OPCML: variants seen among roughly 807,000 people sequenced by gnomAD.
OPCML encodes opioid-binding protein/cell adhesion molecule.
Under a neutral mutation model 37.8 loss-of-function variants are expected in OPCML, and 13 were observed. The ratio of observed to expected loss-of-function variants is 0.34; its 90% CI spans 0.22 to 0.55. The LOEUF is 0.55. Ranked by LOEUF, OPCML falls within the 20% of genes least tolerant of loss-of-function variation. OPCML has a pLI of 0.91. For synonymous variants in OPCML, 176 were observed against 168.8 expected (o/e 1.04, Z -0.33); for missense variants, 341 against 435.6 (o/e 0.78, Z 1.93).
At chr11:132,608,751 C>T (rs1268253880) in intron 3 of OPCML, among the ~76,000 whole-genome samples, 3 of 152,112 alleles carry the variant, frequency 2.0e-5, no homozygotes, top group Non-Finnish European at 4.4e-5. Flanking sequence ...CTGGGTCTTC[C>T]TAAGGGCTGC....
chr11:132,589,454 C>T (rs1488493729), intron 3 of OPCML, among the ~76,000 whole-genome samples: 1 of 152,154 alleles, frequency 6.6e-6, no homozygotes, highest in Non-Finnish European at 1.5e-5. Flanking sequence ...GATCCCTGTC[C>T]TCATGGAGAA....
intron 1 of OPCML, among the ~76,000 whole-genome samples, chr11:133,436,140 T>TAA (rs201787859): frequency 4.0e-5 from 6 of 150,830 alleles, no homozygotes; most frequent in African/African-American, 1.5e-4. Flanking sequence ...TTCTCAAATT[T>TAA]AAAAAAAAAT....
At chr11:133,161,985 C>CTGTTTTTTTTT (rs1950148083) in intron 1 of OPCML, among the ~76,000 whole-genome samples, 2 of 85,482 alleles carry the variant, frequency 2.3e-5, no homozygotes, top group African/African-American at 4.6e-5. Context: ...CAGTCTCTGT[C>CTGTTTTTTTTT]TTTTTTTTTT....
intron 1 of OPCML, among the ~76,000 whole-genome samples, chr11:132,995,768 A>G (rs1946873429): frequency 6.6e-6 from 1 of 152,188 alleles, no homozygotes; most frequent in Non-Finnish European, 1.5e-5. Flanking sequence ...ACCTGGCTTT[A>G]GTGAATCTGG....
chr11:132,639,147 CA>C (rs1359984379), intron 3 of OPCML, among the ~76,000 whole-genome samples: 2 of 152,172 alleles, frequency 1.3e-5, no homozygotes, highest in Non-Finnish European at 2.9e-5. Context: ...TTAGAAAAAT[CA>C]AAACTGGTCA....
chr11:132,582,115 TGTGTG>T (rs2096463309), intron 3 of OPCML, among the ~76,000 whole-genome samples: 1 of 140,808 alleles, frequency 7.1e-6, no homozygotes, highest in Non-Finnish European at 1.5e-5. Flanking sequence ...TGTGTGTGTG[TGTGTG>T]TGTGTGTGTG....
chr11:132,548,524 A>C (rs1490882419), intron 3 of OPCML, among the ~76,000 whole-genome samples: 1 of 152,198 alleles, frequency 6.6e-6, no homozygotes, highest in African/African-American at 2.4e-5. Flanking sequence ...TAAAAGTTAG[A>C]TAAGACAACA....
chr11:132,815,204 G>A (rs990236605), intron 2 of OPCML, among the ~76,000 whole-genome samples: 8 of 152,096 alleles, frequency 5.3e-5, no homozygotes, highest in South Asian at 2.1e-4. Context: ...TTTCTAAAAC[G>A]TCTATCGGAT....
At chr11:132,552,885 C>A (rs2096385484) in intron 3 of OPCML, among the ~76,000 whole-genome samples, 1 of 151,170 alleles carries the variant, frequency 6.6e-6, no homozygotes, top group Admixed American at 6.6e-5. Flanking sequence ...CCTGCCTCAG[C>A]CTCCCGAGTA....
At chr11:132,676,715 G>C (rs1465241921) in intron 2 of OPCML, among the ~76,000 whole-genome samples, 1 of 144,680 alleles carries the variant, frequency 6.9e-6, no homozygotes, top group Non-Finnish European at 1.5e-5. Flanking sequence ...AATACATAAA[G>C]CCTTAATAAA....
At chr11:133,354,594 G>A (rs543834394) in intron 1 of OPCML, among the ~76,000 whole-genome samples, 2 of 152,158 alleles carry the variant, frequency 1.3e-5, no homozygotes, top group South Asian at 2.1e-4. Context: ...ACTTTTATAA[G>A]TACCTCTACT....
intron 2 of OPCML, among the ~76,000 whole-genome samples, chr11:132,910,293 G>T (rs369155576): frequency 6.6e-6 from 1 of 152,226 alleles, no homozygotes; most frequent in East Asian, 1.9e-4. Context: ...CGGCCATTAT[G>T]CCCCCACAGG....
At chr11:132,688,293 A>G (rs1191783272) in intron 2 of OPCML, among the ~76,000 whole-genome samples, 1 of 152,162 alleles carries the variant, frequency 6.6e-6, no homozygotes, top group Non-Finnish European at 1.5e-5. Context: ...GGATGAGCAT[A>G]TTTTTCATCA....
intron 1 of OPCML, among the ~76,000 whole-genome samples, chr11:133,526,488 A>G (rs1050262776): frequency 6.6e-6 from 1 of 152,152 alleles, no homozygotes; most frequent in African/African-American, 2.4e-5. Flanking sequence ...AGAAGAGAGG[A>G]GGGAATGTAT....
chr11:133,026,154 T>C, intron 1 of OPCML: 3 of 928,562 alleles, frequency 3.2e-6, no homozygotes, highest in Non-Finnish European at 2.6e-6. Context: ...CCCATCTGAG[T>C]AATTTTTGTT....
chr11:133,458,834 T>TATACACATAGATGCACGTGTGTGTGTAC lies in OPCML; in HGVS notation c.61+73429_61+73430insGTACACACACACGTGCATCTATGTGTAT, dbSNP rs1187382139. 1.2e-3 allele frequency among the ~76,000 whole-genome samples: 168 copies of TATACACATAGATGCACGTGTGTGTGTAC among 146,078 alleles called. 4 individuals carry two copies. The highest frequency in any genetic ancestry group is 1.7e-3 in the Non-Finnish European group (115 of 65,778). ...ACACATAGATGCACGTGTGTGTGTA[T>TATACACATAGATGCACGTGTGTGTGTAC]ATACACATAGATGCACGTGTGTGTG... is the stretch of plus-strand genomic sequence containing the variant. On this transcript the variant is annotated intron_variant, in intron 1 of 7. Transcript: ENST00000524381.
At chr11:132,835,056 C>G (rs12801530) in intron 2 of OPCML, among the ~76,000 whole-genome samples, 10,160 of 151,604 alleles carry the variant, frequency 0.067, 392 homozygotes, top group Non-Finnish European at 0.076. Context: ...TTCTACTCTG[C>G]AGGGTCATAA....
At chr11:133,318,916 A>T (rs2136615636) in intron 1 of OPCML, among the ~76,000 whole-genome samples, 1 of 152,090 alleles carries the variant, frequency 6.6e-6, no homozygotes, top group East Asian at 1.9e-4. Context: ...AATCCCAGCT[A>T]CTCGGGAGGC....
At chr11:133,280,505 A>C (rs1382467606) in intron 1 of OPCML, among the ~76,000 whole-genome samples, 1 of 152,168 alleles carries the variant, frequency 6.6e-6, no homozygotes, top group African/African-American at 2.4e-5. Flanking sequence ...TGCCCTCCCC[A>C]TTTTAAATTT....
Sources: gnomAD v4.1 joint callset for allele counts (sites outside exome capture counted in the v4.1 genomes callset) on GRCh38, gnomAD v4.1.1 for gene constraint, MANE v1.5 for transcripts, NCBI Gene and HGNC (gene_info 2026-07-23, HGNC 2026-07-21) for gene names.